The following SGCZ variants were observed in gnomAD, a reference collection of about 807,000 sequenced individuals.
SGCZ encodes the protein sarcoglycan zeta.
A neutral mutation model predicts 41.3 loss-of-function variants in SGCZ; 40 were observed. The ratio of observed to expected loss-of-function variants is 0.97; its 90% CI spans 0.75 to 1.26. SGCZ has a LOEUF of 1.26. SGCZ is among the 50% of genes most tolerant of loss of function. The probability of loss-of-function intolerance (pLI) is 0.00; values close to 1 mark genes in which losing one functional copy is unlikely to be tolerated. For synonymous variants in SGCZ, 206 were observed against 137.5 expected (o/e 1.50, Z -3.49); for missense variants, 552 against 369.8 (o/e 1.49, Z -4.04).
chr8:14,258,163 A>T (rs10087038), intron 3 of SGCZ, among the ~76,000 whole-genome samples: 1 of 151,822 alleles, frequency 6.6e-6, no homozygotes, highest in Admixed American at 6.6e-5. Flanking sequence ...AAAAGAGAAT[A>T]TAGATACTAA....
intron 1 of SGCZ, among the ~76,000 whole-genome samples, chr8:15,209,105 T>TG (rs1242160632): frequency 1.1e-4 from 6 of 55,992 alleles, no homozygotes; most frequent in South Asian, 6.2e-4. Context: ...ATCACAAATA[T>TG]CTTAGTTTTT....
At chr8:14,139,885 A>C (rs762327597) in intron 5 of SGCZ, among the ~76,000 whole-genome samples, 2 of 152,146 alleles carry the variant, frequency 1.3e-5, no homozygotes, top group Non-Finnish European at 2.9e-5. Context: ...ACAACAAAAA[A>C]ACAGAATTTT....
intron 1 of SGCZ, among the ~76,000 whole-genome samples, chr8:14,858,056 A>G (rs1038832397): frequency 2.6e-5 from 4 of 152,254 alleles, no homozygotes; most frequent in Non-Finnish European, 5.9e-5. Context: ...TATTTATTAG[A>G]GTCTCTGTTA....
chr8:14,255,836 T>C (rs1469716201), intron 3 of SGCZ, among the ~76,000 whole-genome samples: 4 of 152,110 alleles, frequency 2.6e-5, no homozygotes, highest in Non-Finnish European at 2.9e-5. Flanking sequence ...TGAACAGATT[T>C]TGAGGTATTT....
At chr8:14,265,480 A>C (rs1339808946) in intron 3 of SGCZ, among the ~76,000 whole-genome samples, 1 of 152,132 alleles carries the variant, frequency 6.6e-6, no homozygotes, top group African/African-American at 2.4e-5. Flanking sequence ...TTGGCCAAAG[A>C]TTTATTTGAC....
chr8:14,507,774 G>GTTT (rs61638509), intron 2 of SGCZ, among the ~76,000 whole-genome samples: 42 of 135,448 alleles, frequency 3.1e-4, no homozygotes, highest in East Asian at 1.5e-3. Context: ...TTTTGTTTTT[G>GTTT]TTTTTTTTTT....
At chr8:14,758,528 T>C (rs908631881) in intron 1 of SGCZ, among the ~76,000 whole-genome samples, 2 of 151,950 alleles carry the variant, frequency 1.3e-5, no homozygotes, top group African/African-American at 4.8e-5. Flanking sequence ...TCCTGAGAAA[T>C]CTGGGACACC....
At chr8:14,107,431 T>C (rs1008407619) in intron 6 of SGCZ, among the ~76,000 whole-genome samples, 2 of 152,052 alleles carry the variant, frequency 1.3e-5, no homozygotes, top group Admixed American at 6.5e-5. Context: ...GCTTATTCCA[T>C]TGGAAATATT....
intron 1 of SGCZ, among the ~76,000 whole-genome samples, chr8:14,805,592 G>A (rs1035281267): frequency 7.4e-6 from 1 of 135,778 alleles, no homozygotes; most frequent in East Asian, 2.5e-4. Flanking sequence ...CGTCCTGAGT[G>A]ACCTACAAAG....
intron 3 of SGCZ, among the ~76,000 whole-genome samples, chr8:14,253,120 G>C (rs574236029): frequency 9.7e-4 from 148 of 152,138 alleles, no homozygotes; most frequent in African/African-American, 3.5e-3. Context: ...AGTAAATATA[G>C]AATATGCTGT....
intron 1 of SGCZ, among the ~76,000 whole-genome samples, chr8:14,778,992 C>A (rs1800499868): frequency 6.6e-6 from 1 of 152,176 alleles, no homozygotes; most frequent in Non-Finnish European, 1.5e-5. Context: ...GTGATTCTTA[C>A]ATGCATATAC....
At chr8:14,719,903 G>T (rs1036043443) in intron 1 of SGCZ, among the ~76,000 whole-genome samples, 8 of 151,862 alleles carry the variant, frequency 5.3e-5, no homozygotes, top group Admixed American at 2.0e-4. Flanking sequence ...CATTGCTTTT[G>T]GTGTTTTAGA....
intron 1 of SGCZ, among the ~76,000 whole-genome samples, chr8:14,656,896 T>A: frequency 6.6e-6 from 1 of 152,064 alleles, no homozygotes; most frequent in South Asian, 2.1e-4. Flanking sequence ...TATTAAATAC[T>A]ATATAAATAC....
chr8:15,075,156 A>G (rs1263657147), intron 1 of SGCZ, among the ~76,000 whole-genome samples: 2 of 152,156 alleles, frequency 1.3e-5, no homozygotes, highest in Non-Finnish European at 2.9e-5. Flanking sequence ...TCTCATCTTC[A>G]GAGTTCAAAC....
chr8:14,384,125 C>G (rs550470055), intron 2 of SGCZ, among the ~76,000 whole-genome samples: 4 of 152,048 alleles, frequency 2.6e-5, no homozygotes, highest in Admixed American at 2.0e-4. Flanking sequence ...CTCCCGCTAC[C>G]CCACAACAGT....
chr8:14,376,516 T>C (rs371922493), intron 2 of SGCZ, among the ~76,000 whole-genome samples: 11 of 152,150 alleles, frequency 7.2e-5, no homozygotes, highest in African/African-American at 2.6e-4. Context: ...AAAGCTTAGA[T>C]GAACTTATAC....
At chr8:14,483,239 C>T (rs577151253) in intron 2 of SGCZ, among the ~76,000 whole-genome samples, 25 of 152,176 alleles carry the variant, frequency 1.6e-4, no homozygotes, top group African/African-American at 2.4e-4. Context: ...ATTTTAAGTA[C>T]GCGTGACAAT....
intron 7 of SGCZ, among the ~76,000 whole-genome samples, chr8:14,094,303 C>T (rs1046396323): frequency 3.8e-4 from 58 of 152,036 alleles, no homozygotes; most frequent in African/African-American, 1.3e-3. Flanking sequence ...CCCCCCCATG[C>T]CAGAGAGGAC....
intron 2 of SGCZ, among the ~76,000 whole-genome samples, chr8:14,489,088 T>C (rs1055545589): frequency 1.5e-4 from 23 of 150,886 alleles, no homozygotes; most frequent in African/African-American, 5.3e-4. Flanking sequence ...ATCTTTTTTT[T>C]CAGGCTTTTA....
Sources: gnomAD v4.1 joint callset for allele counts (sites outside exome capture counted in the v4.1 genomes callset) on GRCh38, gnomAD v4.1.1 for gene constraint, MANE v1.5 for transcripts, NCBI Gene and HGNC (gene_info 2026-07-23, HGNC 2026-07-21) for gene names.